EVI5: variants seen among roughly 807,000 people sequenced by gnomAD.
EVI5 encodes the protein ecotropic viral integration site 5, also known as ecotropic viral integration site 5 protein homolog.
A neutral mutation model predicts 112.0 loss-of-function variants in EVI5; 73 were observed. That is an observed-to-expected ratio of 0.65 (90% CI 0.54 to 0.79). The LOEUF is 0.79. Among genes scored for constraint, EVI5 ranks in the 30% least tolerant of loss-of-function variants. EVI5 has a pLI of 0.00. For synonymous variants in EVI5, 305 were observed against 319.9 expected (o/e 0.95, Z 0.50); for missense variants, 900 against 968.8 (o/e 0.93, Z 0.94).
chr1:92,607,187 A>G (rs1257356734), intron 17 of EVI5, among the ~76,000 whole-genome samples: 1 of 152,174 alleles, frequency 6.6e-6, no homozygotes, highest in Admixed American at 6.5e-5. Context: ...TATCAATGTT[A>G]TTAACATTAC....
chr1:92,519,896 T>TAAAAA (rs371959112), intron 19 of EVI5, among the ~76,000 whole-genome samples: 1 of 119,058 alleles, frequency 8.4e-6, no homozygotes, highest in Admixed American at 8.8e-5. Flanking sequence ...ACTCTGTCTT[T>TAAAAA]AAAAAAAAAA....
intron 19 of EVI5, among the ~76,000 whole-genome samples, chr1:92,537,294 G>A (rs1382398868): frequency 6.6e-6 from 1 of 151,480 alleles, no homozygotes; most frequent in African/African-American, 2.4e-5. Flanking sequence ...GCTCCTATTC[G>A]TACATTTGAG....
chr1:92,524,095 TA>T (rs1311317868), intron 19 of EVI5, among the ~76,000 whole-genome samples: 5 of 98,578 alleles, frequency 5.1e-5, no homozygotes, highest in Admixed American at 1.3e-4. Context: ...AGACTCCATC[TA>T]AAAAAAAATA....
intron 18 of EVI5, among the ~76,000 whole-genome samples, chr1:92,571,556 T>C (rs1670327647): frequency 1.3e-5 from 2 of 152,276 alleles, no homozygotes; most frequent in South Asian, 4.1e-4. Context: ...ATTCAAAGCC[T>C]TTTAGGATCC....
intron 10 of EVI5, among the ~76,000 whole-genome samples, chr1:92,675,130 C>T (rs1243852698): frequency 6.6e-6 from 1 of 152,186 alleles, no homozygotes; most frequent in Non-Finnish European, 1.5e-5. Flanking sequence ...ATCGCCTGCA[C>T]TCAGGAGTTC....
intron 1 of EVI5, among the ~76,000 whole-genome samples, chr1:92,776,777 AG>A: frequency 6.6e-6 from 1 of 151,346 alleles, no homozygotes; most frequent in Non-Finnish European, 1.5e-5. Flanking sequence ...CTGGGACTAC[AG>A]GTGCACACCA....
intron 18 of EVI5, among the ~76,000 whole-genome samples, chr1:92,581,514 G>A (rs1381316556): frequency 6.6e-6 from 1 of 152,138 alleles, no homozygotes; most frequent in African/African-American, 2.4e-5. Flanking sequence ...GAATTCTCCT[G>A]GGATTTTGCT....
chr1:92,518,656 A>AC (rs1660371369), intron 19 of EVI5, among the ~76,000 whole-genome samples: 1 of 3,922 alleles, frequency 2.5e-4, no homozygotes, highest in Admixed American at 3.3e-3. Context: ...GGGATGCTTT[A>AC]AAAAAAAAAA....
chr1:92,591,116 C>A (rs1400314911), intron 18 of EVI5, among the ~76,000 whole-genome samples: 1 of 152,136 alleles, frequency 6.6e-6, no homozygotes, highest in South Asian at 2.1e-4. Context: ...GAAGGAAGCA[C>A]TAAACATGGA....
intron 15 of EVI5, among the ~76,000 whole-genome samples, chr1:92,624,999 T>C (rs1655372259): frequency 6.6e-6 from 1 of 152,120 alleles, no homozygotes; most frequent in African/African-American, 2.4e-5. Context: ...TCAAATACAG[T>C]TCAAATTTTT....
At position 92,677,267 on chromosome 1, in the gene EVI5, T is replaced by C. The variant is rs183869053; in HGVS notation, c.1098-49A>G. On this transcript the variant is annotated intron_variant, in intron 9 of 19. Transcript: ENST00000684568. ...TAAAGGTAATGTTTTCATTCAAAAG[T>C]AGTTATTAAATTACAAAATTTAAAA... The C allele has an allele frequency of 9.1e-5, 96 of 1,060,312 alleles. No individual in the cohort carries two copies. In the African/African-American group the frequency reaches 1.4e-3, roughly 15 times the overall value. 65.7% of individuals were successfully genotyped at this position (1,060,312 alleles called of 1,614,324 possible). A position where few individuals can be genotyped will look rare whatever the true frequency, so the allele number is the denominator to read the frequency against.
At chr1:92,666,658 A>C (rs1423091590) in intron 10 of EVI5, among the ~76,000 whole-genome samples, 4 of 151,630 alleles carry the variant, frequency 2.6e-5, no homozygotes, top group African/African-American at 4.8e-5. Context: ...GAAAGGAAAG[A>C]GGAAAAAGAA....
chr1:92,701,262 G>C (rs1158670378), intron 5 of EVI5, among the ~76,000 whole-genome samples: 2 of 152,092 alleles, frequency 1.3e-5, no homozygotes, highest in African/African-American at 4.8e-5. Context: ...GTGTGATCTT[G>C]GGTAAGCCAC....
At chr1:92,541,263 T>C (rs1211287852) in intron 19 of EVI5, among the ~76,000 whole-genome samples, 1 of 152,154 alleles carries the variant, frequency 6.6e-6, no homozygotes, top group Non-Finnish European at 1.5e-5. Flanking sequence ...AACACATATT[T>C]AGAATATGTA....
intron 18 of EVI5, among the ~76,000 whole-genome samples, chr1:92,565,708 C>A (rs562589970): frequency 1.1e-3 from 174 of 152,022 alleles, no homozygotes; most frequent in African/African-American, 4.1e-3. Context: ...GTGGCTCATG[C>A]CTGTAATCCC....
upstream of EVI5, among the ~76,000 whole-genome samples, chr1:92,788,004 C>T (rs1313504312): frequency 6.6e-6 from 1 of 151,586 alleles, no homozygotes; most frequent in African/African-American, 2.4e-5. Context: ...GAAAAAAAAT[C>T]ATAACAGTGG....
In EVI5 at chr1:92,547,214, A is replaced by G. The variant is rs371141696; in HGVS notation, c.2166+16428T>C. 7.4e-4 allele frequency among the ~76,000 whole-genome samples: 113 copies of G among 152,300 alleles called. 1 individual carries two copies. The East Asian group carries it at 0.015, about 21-fold the overall frequency. ...GAAACTCACTCAAAACTGATCAACT[A>G]CATGGAAACTGAACAACCTGCTCCT... On this transcript the variant is annotated intron_variant, in intron 19 of 19. Coordinates refer to ENST00000684568, the MANE Select transcript of EVI5 (RefSeq NM_001350197.2).
chr1:92,684,545 CA>C (rs1261368741), intron 9 of EVI5, among the ~76,000 whole-genome samples: 1 of 152,120 alleles, frequency 6.6e-6, no homozygotes, highest in Non-Finnish European at 1.5e-5. Context: ...CAAATTCAAA[CA>C]TAACAATATT....
At chr1:92,742,868 T>C (rs1678634709) in intron 1 of EVI5, among the ~76,000 whole-genome samples, 2 of 152,308 alleles carry the variant, frequency 1.3e-5, no homozygotes, top group South Asian at 4.1e-4. Flanking sequence ...CACAGAATTA[T>C]AAGATCCAGC....
Sources: allele counts gnomAD v4.1 joint callset (sites outside exome capture counted in the v4.1 genomes callset), GRCh38; gene constraint gnomAD v4.1.1; transcripts MANE v1.5; gene names NCBI Gene and HGNC (gene_info 2026-07-23, HGNC 2026-07-21).